SLC25A46: variants seen among roughly 807,000 people sequenced by gnomAD.
The protein encoded by SLC25A46 is solute carrier family 25 member 46.
SLC25A46 carries 39 observed loss-of-function variants against 44.6 expected under a neutral mutation model. The ratio of observed to expected loss-of-function variants is 0.87; its 90% CI spans 0.68 to 1.14. SLC25A46 has a LOEUF of 1.14. SLC25A46 is among the 50% of genes most tolerant of loss of function. The pLI, the probability that SLC25A46 is intolerant of heterozygous loss-of-function variation, is 0.00. For missense variants in SLC25A46, 547 were observed against 522.7 expected, an observed-to-expected ratio of 1.05 and a Z score of -0.45; for synonymous variants, 202 against 185.8, an observed-to-expected ratio of 1.09 and a Z score of -0.71.
Position 110,746,095 on chromosome 5 carries a change from A to T in SLC25A46, c.385-174A>T, listed in dbSNP as rs116469357. 4.1e-3 allele frequency: 2,362 copies of T among 574,452 alleles called. 52 individuals carry two copies. The African/African-American group carries it at 0.041, about 10-fold the overall frequency. 35.6% of individuals were successfully genotyped at this position (574,452 alleles called of 1,614,324 possible). On this transcript the variant is annotated intron_variant, in intron 3 of 7. Coordinates refer to ENST00000355943, the MANE Select transcript of SLC25A46 (RefSeq NM_138773.4). ...GTATTTATATAACCATACATACTGT[A>T]CTTTTAATAGGTTATTTAAAGCACT...
chr5:110,761,525 T>C lies in SLC25A46; in HGVS notation c.1000T>C (p.Leu334=), dbSNP rs1800250892. The change falls in exon 8 of 8, where the codon TTG becomes CTG. Residue 334 remains leucine (L), a synonymous_variant. Coordinates refer to ENST00000355943, the MANE Select transcript of SLC25A46 (RefSeq NM_138773.4). This position sits in a 1 kb window ranked among gnomAD's most constrained non-coding sequence, Gnocchi z 5.3. ...TTGTTCTGACGTTATACTTTACCCA[T>C]TGGAAACAGTTTTGCACCGCCTTCA... ...SLCSDVILYP[L]ETVLHRLHIQ... The C allele has an allele frequency of 1.9e-6, 3 of 1,613,832 alleles. No homozygotes were observed. The highest frequency in any genetic ancestry group is 2.5e-6 in the Non-Finnish European group (3 of 1,179,820).
chr5:110,741,914 T>A, intron 1 of SLC25A46, 133 bp from the exon 2 acceptor site: 1 of 634,546 alleles, frequency 1.6e-6, no homozygotes, highest in Non-Finnish European at 2.7e-6. Context: ...CTATCAGAAT[T>A]TGACTTTGAG....
intron 1 of SLC25A46, 23 bp from the exon 2 acceptor site, chr5:110,742,024 A>G: frequency 6.7e-7 from 1 of 1,489,328 alleles, no homozygotes; most frequent in South Asian, 1.3e-5. Flanking sequence ...TTATTTTTTT[A>G]TTTCTATTTT....
At chr5:110,747,839 G>C (rs370902779) in intron 4 of SLC25A46, among the ~76,000 whole-genome samples, 1 of 152,124 alleles carries the variant, frequency 6.6e-6, no homozygotes, top group Non-Finnish European at 1.5e-5. Context: ...GTATGAGTGA[G>C]TATGATTGGG....
intron 2 of SLC25A46, among the ~76,000 whole-genome samples, chr5:110,742,316 A>G (rs1799711208): frequency 6.6e-6 from 1 of 152,140 alleles, no homozygotes; most frequent in Non-Finnish European, 1.5e-5. Context: ...TTATAAACAC[A>G]AAGTAATTTT....
intron 3 of SLC25A46, among the ~76,000 whole-genome samples, chr5:110,744,188 C>T (rs931771541): frequency 2.6e-5 from 4 of 152,126 alleles, no homozygotes; most frequent in South Asian, 2.1e-4. Context: ...TGTTGCATCA[C>T]GTGGTTTTTG....
Position 110,761,527 on chromosome 5 carries a change from G to A in SLC25A46, c.1002G>A (p.Leu334=), listed in dbSNP as rs1580870973. Residue 334 remains leucine (L), a synonymous_variant, in exon 8 of 8, where the codon TTG becomes TTA. Transcript: ENST00000355943. The surrounding 1 kb of genome is among the most constrained non-coding windows in gnomAD (Gnocchi z 5.3). Reference sequence around the variant, plus strand: ...GTTCTGACGTTATACTTTACCCATTGGAAACAGTTTTGCACCGCCTTCACA... The same window carrying A: ...GTTCTGACGTTATACTTTACCCATTAGAAACAGTTTTGCACCGCCTTCACA... ...SLCSDVILYP[L]ETVLHRLHIQ... 1 of 1,613,784 alleles carries A rather than the reference G, an allele frequency of 6.2e-7. No homozygotes were observed. The highest frequency in any genetic ancestry group is 1.1e-5 in the South Asian group (1 of 91,078).
At chr5:110,738,969 C>G, upstream of SLC25A46, 3 of 1,448,946 alleles carry the variant, frequency 2.1e-6, no homozygotes, top group Non-Finnish European at 2.7e-6. Flanking sequence ...TCACGTGCTC[C>G]GAAGACTTCC....
rs896917884 is a variant in SLC25A46 at position 110,762,718 on chromosome 5, A to C, written c.*936A>C. ...ATTTACAAATTGTGTACTTAAATGA[A>C]CCTCATTTCCCTTTTATTTCTGAAT... On this transcript the variant is annotated 3_prime_UTR_variant, in exon 8 of 8. Transcript: ENST00000355943. 24 of 152,050 alleles carry C rather than the reference A, an allele frequency of 1.6e-4. No homozygotes were observed. Among genetic ancestry groups the C allele is most frequent in the African/African-American group, 5.3e-4 (22 of 41,552 alleles). The allele number at this position is 152,050 out of a possible 1,614,324, so 9.4% of individuals were successfully genotyped here.
At chr5:110,753,599 G>A (rs1295062140) in intron 5 of SLC25A46, 2 of 151,974 alleles carry the variant, frequency 1.3e-5, no homozygotes, top group Non-Finnish European at 2.9e-5. Context: ...AGTGACTGAA[G>A]CTTTTAAGTA....
chr5:110,742,614 C>T (rs569710454), intron 2 of SLC25A46, among the ~76,000 whole-genome samples: 1 of 151,836 alleles, frequency 6.6e-6, no homozygotes, highest in Non-Finnish European at 1.5e-5. Flanking sequence ...CCCTTACTTA[C>T]CTGTTTGCAG....
rs1211446353 is a variant in SLC25A46 at position 110,742,040 on chromosome 5, A to G, written c.284-7A>G. ...TATTTTTTTATTTCTATTTTTTTTT[A>G]CTTTAGAACAGCTGAATAGATTTGC... On this transcript the variant is annotated splice_polypyrimidine_tract_variant and splice_region_variant and intron_variant, in intron 1 of 7. Coordinates refer to ENST00000355943, the MANE Select transcript of SLC25A46 (RefSeq NM_138773.4). The G allele has an allele frequency of 1.3e-6, 2 of 1,548,422 alleles. No individual in the cohort carries two copies. The highest frequency in any genetic ancestry group is 1.8e-6 in the Non-Finnish European group (2 of 1,139,016).
At chr5:110,749,450 TA>T (rs1799904064) in intron 5 of SLC25A46, among the ~76,000 whole-genome samples, 1 of 146,684 alleles carries the variant, frequency 6.8e-6, no homozygotes, top group Admixed American at 6.9e-5. Context: ...ATTAAATGAA[TA>T]AAATGGACCA....
chr5:110,745,479 T>C (rs1799793766), intron 3 of SLC25A46: 1 of 152,296 alleles, frequency 6.6e-6, no homozygotes, highest in Non-Finnish European at 1.5e-5. Context: ...GGTCTCGATC[T>C]CCTGACCTCA....
At chr5:110,745,572 T>C (rs1043723969) in intron 3 of SLC25A46, 1 of 152,202 alleles carries the variant, frequency 6.6e-6, no homozygotes. Context: ...CCACTTTCTC[T>C]GTAAAGTAAT....
chr5:110,741,436 T>C (rs1024312257), intron 1 of SLC25A46, among the ~76,000 whole-genome samples: 2 of 152,220 alleles, frequency 1.3e-5, no homozygotes, highest in African/African-American at 4.8e-5. Context: ...TGGTTATCCC[T>C]AAGTACCCTT....
At position 110,764,721 on chromosome 5, in the gene SLC25A46, A is replaced by G. The variant is rs905213286; in HGVS notation, c.*2939A>G. On this transcript the variant is annotated 3_prime_UTR_variant, in exon 8 of 8. Transcript: ENST00000355943. ...TTTGTTTTATCAGCTGAGGTTGTGGAGGATTTTTGTCCACTGATCTTTTGC... is the reference window on the plus strand; with the variant it reads ...TTTGTTTTATCAGCTGAGGTTGTGGGGGATTTTTGTCCACTGATCTTTTGC... The G allele has an allele frequency of 7.2e-5, 11 of 151,910 alleles. No homozygotes were observed. The highest frequency in any genetic ancestry group is 2.4e-4 in the African/African-American group (10 of 41,410). The allele number at this position is 151,910 out of a possible 1,614,324, so 9.4% of individuals were successfully genotyped here.
chr5:110,738,661 G>A (rs953412463), upstream of SLC25A46: 11 of 210,760 alleles, frequency 5.2e-5, no homozygotes, highest in Non-Finnish European at 9.6e-5. Context: ...CCAGGCCCGT[G>A]AGAAAACACT....
chr5:110,741,898 T>C, intron 1 of SLC25A46, 149 bp from the exon 2 acceptor site: 1 of 595,062 alleles, frequency 1.7e-6, no homozygotes, highest in Non-Finnish European at 3.0e-6. Context: ...ATTATTTACC[T>C]GGCCCCTATC....
Sources: allele counts gnomAD v4.1 joint callset (sites outside exome capture counted in the v4.1 genomes callset), GRCh38; gene constraint gnomAD v4.1.1; non-coding constraint Gnocchi (gnomAD v3.1); transcripts MANE v1.5; gene names NCBI Gene and HGNC (gene_info 2026-07-23, HGNC 2026-07-21).